Variants in NTN1 observed in about 807,000 individuals in gnomAD.
The protein encoded by NTN1 is netrin-1.
Under a neutral mutation model 54.2 loss-of-function variants are expected in NTN1, and 11 were observed. The observed-to-expected ratio is 0.20, with a 90% CI of 0.13 to 0.34. NTN1 has a LOEUF of 0.34. Ranked by LOEUF, NTN1 falls within the 10% of genes least tolerant of loss-of-function variation. NTN1 has a pLI of 1.00. For synonymous variants in NTN1, 371 were observed against 382.0 expected, an observed-to-expected ratio of 0.97 and a Z score of 0.33; for missense variants, 740 against 893.1, an observed-to-expected ratio of 0.83 and a Z score of 2.18.
chr17:9,185,961 G>A (rs2142322619), intron 5 of NTN1, among the ~76,000 whole-genome samples: 2 of 152,260 alleles, frequency 1.3e-5, no homozygotes, highest in East Asian at 3.9e-4. Flanking sequence ...TGGACCCAGT[G>A]CTCCACAGGC....
chr17:9,164,459 A>G lies in NTN1; in HGVS notation c.1207+1458A>G, dbSNP rs1316940970. ...AAAAGAAAGAACATCTTGGGGGAAA[A>G]AAAAAAGAAAGTAACAAAGTAGGGG... On this transcript the variant is annotated intron_variant, in intron 3 of 6. Transcript: ENST00000173229. Among the ~76,000 whole-genome samples the G allele has an allele frequency of 3.9e-5, 6 of 152,184 alleles. No individual in the cohort carries two copies. In the Middle Eastern group the frequency reaches 0.01, roughly 259 times the overall value.
chr17:9,174,176 T>C (rs1464583038), intron 3 of NTN1: 1 of 152,300 alleles, frequency 6.6e-6, no homozygotes, highest in East Asian at 1.9e-4. Context: ...CTAAAGATCA[T>C]GGAAGCTGAG....
intron 6 of NTN1, among the ~76,000 whole-genome samples, chr17:9,235,070 C>G (rs1053064796): frequency 2.0e-5 from 3 of 149,324 alleles, no homozygotes; most frequent in African/African-American, 7.4e-5. Flanking sequence ...TCAAGCGATT[C>G]TCCTGCCTCA....
chr17:9,206,142 G>A (rs1443102125), intron 5 of NTN1, among the ~76,000 whole-genome samples: 3 of 152,162 alleles, frequency 2.0e-5, no homozygotes, highest in Non-Finnish European at 2.9e-5. Flanking sequence ...GGGAGGACTG[G>A]GACTGAGCAG....
rs2091916058 is a variant in NTN1 at position 9,039,890 on chromosome 17, T to C, written c.1018+16499T>C. 2.0e-5 allele frequency among the ~76,000 whole-genome samples: 3 copies of C among 152,362 alleles called. No homozygotes were observed. In the South Asian group the frequency reaches 6.2e-4, roughly 32 times the overall value. On this transcript the variant is annotated intron_variant, in intron 2 of 6. Transcript: ENST00000173229. Reference sequence around the variant, plus strand: ...TACCACAATTTTTCCATTCACCTGCTGATGGGCATTTAGCTTGTTTCTAGT... The same window carrying C: ...TACCACAATTTTTCCATTCACCTGCCGATGGGCATTTAGCTTGTTTCTAGT...
intron 5 of NTN1, among the ~76,000 whole-genome samples, chr17:9,210,596 A>G (rs1191952807): frequency 6.6e-6 from 1 of 152,066 alleles, no homozygotes; most frequent in Admixed American, 6.6e-5. Context: ...TTGTAAGTAA[A>G]TGGTCCTCAT....
intron 2 of NTN1, among the ~76,000 whole-genome samples, chr17:9,154,362 G>A (rs1259490036): frequency 6.6e-6 from 1 of 152,236 alleles, no homozygotes; most frequent in Admixed American, 6.5e-5. Flanking sequence ...ATAAATTCAT[G>A]CCCTACCAGA....
At chr17:9,116,563 C>A (rs2092213464) in intron 2 of NTN1, among the ~76,000 whole-genome samples, 1 of 152,196 alleles carries the variant, frequency 6.6e-6, no homozygotes, top group Non-Finnish European at 1.5e-5. Context: ...CTTAAAATCC[C>A]AGGGCTTTCT....
At chr17:9,224,660 C>T (rs1162167487) in intron 6 of NTN1, among the ~76,000 whole-genome samples, 1 of 152,216 alleles carries the variant, frequency 6.6e-6, no homozygotes, top group Non-Finnish European at 1.5e-5. Context: ...CAGAGAGCTG[C>T]GGGCCAGCCC....
chr17:9,134,017 G>A (rs2092273870), intron 2 of NTN1, among the ~76,000 whole-genome samples: 1 of 146,048 alleles, frequency 6.8e-6, no homozygotes, highest in East Asian at 2.0e-4. Context: ...CAATTCTCCT[G>A]CCTCAGCCTC....
chr17:9,032,345 G>A (rs1272934816), intron 2 of NTN1, among the ~76,000 whole-genome samples: 1 of 152,184 alleles, frequency 6.6e-6, no homozygotes, highest in Non-Finnish European at 1.5e-5. Flanking sequence ...CCGCCCCGAC[G>A]TTTCTGGGCA....
intron 3 of NTN1, chr17:9,179,128 C>T (rs1258432341): frequency 6.6e-6 from 1 of 152,304 alleles, no homozygotes; most frequent in Non-Finnish European, 1.5e-5. Context: ...CTGGGAGTTT[C>T]CTTTACCTCT....
chr17:9,234,995 TCC>T (rs1210002194), intron 6 of NTN1, among the ~76,000 whole-genome samples: 14 of 144,510 alleles, frequency 9.7e-5, no homozygotes, highest in Non-Finnish European at 1.2e-4. Flanking sequence ...GGAGTTTCGC[TCC>T]TGTTGCCCAG....
intron 2 of NTN1, among the ~76,000 whole-genome samples, chr17:9,029,671 A>G (rs1031000819): frequency 6.6e-6 from 1 of 152,198 alleles, no homozygotes; most frequent in African/African-American, 2.4e-5. Flanking sequence ...ATTGTAAACT[A>G]AGAAGTAGAT....
At chr17:9,110,534 A>G (rs2092186929) in intron 2 of NTN1, among the ~76,000 whole-genome samples, 1 of 151,378 alleles carries the variant, frequency 6.6e-6, no homozygotes, top group Admixed American at 6.6e-5. Context: ...TGGCCTCCCA[A>G]AGTGCTGGGA....
At chr17:9,079,990 G>A (rs1469214017) in intron 2 of NTN1, among the ~76,000 whole-genome samples, 1 of 149,340 alleles carries the variant, frequency 6.7e-6, no homozygotes, top group East Asian at 2.0e-4. Flanking sequence ...GGCCCCCGAG[G>A]AAGTGGTTCC....
intron 2 of NTN1, among the ~76,000 whole-genome samples, chr17:9,097,068 T>C (rs1489625146): frequency 6.6e-6 from 1 of 152,254 alleles, no homozygotes; most frequent in Admixed American, 6.5e-5. Context: ...GTTTCTCTTC[T>C]CTTGCTCCCA....
intron 2 of NTN1, among the ~76,000 whole-genome samples, chr17:9,109,763 T>A (rs1164263590): frequency 6.6e-6 from 1 of 152,260 alleles, no homozygotes; most frequent in Non-Finnish European, 1.5e-5. Context: ...ATATTCTGGC[T>A]AACACTTGGT....
At chr17:9,169,685 T>G (rs1346235379) in intron 3 of NTN1, among the ~76,000 whole-genome samples, 1 of 152,076 alleles carries the variant, frequency 6.6e-6, no homozygotes, top group Admixed American at 6.5e-5. Context: ...GGCAACATGG[T>G]GAAACCCTGT....
Sources: allele counts gnomAD v4.1 joint callset (sites outside exome capture counted in the v4.1 genomes callset), GRCh38; gene constraint gnomAD v4.1.1; transcripts MANE v1.5; gene names NCBI Gene and HGNC (gene_info 2026-07-23, HGNC 2026-07-21).